CLIC5: variants seen among roughly 807,000 people sequenced by gnomAD.
The protein encoded by CLIC5 is chloride intracellular channel protein 5.
CLIC5 carries 20 observed loss-of-function variants against 24.7 expected under a neutral mutation model. The ratio of observed to expected loss-of-function variants is 0.81; its 90% CI spans 0.57 to 1.18. The LOEUF is 1.18. CLIC5 is among the 50% of genes most tolerant of loss of function. The pLI is 0.00. For synonymous variants in CLIC5, 159 were observed against 135.6 expected, an observed-to-expected ratio of 1.17 and a Z score of -1.20; for missense variants, 341 against 326.1, an observed-to-expected ratio of 1.05 and a Z score of -0.35.
chr6:45,954,844 G>A (rs1048258781), intron 2 of CLIC5, among the ~76,000 whole-genome samples: 5 of 152,236 alleles, frequency 3.3e-5, no homozygotes, highest in African/African-American at 1.2e-4. Context: ...GTTTTTAGAT[G>A]TCTGTGCCCA....
chr6:46,094,432 T>A, the CLIC5 span, among the ~76,000 whole-genome samples: 1 of 152,068 alleles, frequency 6.6e-6, no homozygotes, highest in Non-Finnish European at 1.5e-5. Flanking sequence ...AAAAACAAGT[T>A]AGTTACTTGC....
At chr6:46,086,063 A>G in the CLIC5 span, among the ~76,000 whole-genome samples, 1 of 152,180 alleles carries the variant, frequency 6.6e-6, no homozygotes, top group East Asian at 1.9e-4. Context: ...GTGGGATATA[A>G]CCTCCTGGTG....
intron 3 of CLIC5, among the ~76,000 whole-genome samples, chr6:45,948,295 G>A (rs772845525): frequency 1.5e-4 from 23 of 152,102 alleles, no homozygotes; most frequent in South Asian, 1.0e-3. Flanking sequence ...CCTCTCCCCC[G>A]ATTTTCCTGC....
At chr6:46,106,068 C>A in the CLIC5 span, among the ~76,000 whole-genome samples, 5 of 152,130 alleles carry the variant, frequency 3.3e-5, no homozygotes, top group Admixed American at 3.3e-4. Context: ...GTCTGCCTAG[C>A]CCTCATCTCA....
At chr6:45,997,885 T>TACA (rs1424508349) in intron 1 of CLIC5, among the ~76,000 whole-genome samples, 6 of 152,246 alleles carry the variant, frequency 3.9e-5, no homozygotes, top group Non-Finnish European at 7.3e-5. Context: ...CATGAGTTTA[T>TACA]ACAATCTGAA....
Position 45,903,075 on chromosome 6 carries a change from A to G in CLIC5, c.*13T>C. 4 of 1,613,958 alleles carry G rather than the reference A, an allele frequency of 2.5e-6. No individual in the cohort carries two copies. The highest frequency in any genetic ancestry group is 4.5e-5 in the East Asian group (2 of 44,870). ...AGTCCTTCTGCAGCGGGGATGGGGC[A>G]AAATGGCTGTGCTCAGGATCGGCTG... On this transcript the variant is annotated 3_prime_UTR_variant, in exon 6 of 6. Transcript: ENST00000339561.
intron 4 of CLIC5, among the ~76,000 whole-genome samples, chr6:45,915,478 T>C (rs1162764914): frequency 6.6e-6 from 1 of 152,102 alleles, no homozygotes; most frequent in African/African-American, 2.4e-5. Flanking sequence ...CTTTTTGATG[T>C]CACCCCCAGA....
intron 1 of CLIC5, among the ~76,000 whole-genome samples, chr6:46,078,097 C>A (rs963921503): frequency 6.6e-6 from 1 of 152,054 alleles, no homozygotes; most frequent in Non-Finnish European, 1.5e-5. Flanking sequence ...CTGTGGCTCA[C>A]GTCTGTAATC....
At chr6:45,889,080 G>T (rs188470814) in intron 6 of CLIC5, among the ~76,000 whole-genome samples, 1 of 152,144 alleles carries the variant, frequency 6.6e-6, no homozygotes, top group African/African-American at 2.4e-5. Flanking sequence ...TGAAAGATCC[G>T]TCAGTCTGTT....
chr6:45,914,135 A>G (rs1485905521), intron 5 of CLIC5, 93 bp downstream of exon 5: 3 of 1,035,316 alleles, frequency 2.9e-6, no homozygotes, highest in Non-Finnish European at 2.6e-6. Context: ...TTCTTGACCA[A>G]CAGGTGGTAC....
At chr6:46,050,018 T>C (rs1768060341) in intron 1 of CLIC5, among the ~76,000 whole-genome samples, 1 of 152,194 alleles carries the variant, frequency 6.6e-6, no homozygotes, top group Non-Finnish European at 1.5e-5. Flanking sequence ...CTGTGGGATA[T>C]ATGTTCAGAA....
chr6:46,094,553 C>A, the CLIC5 span, among the ~76,000 whole-genome samples: 3 of 152,192 alleles, frequency 2.0e-5, no homozygotes, highest in Admixed American at 6.5e-5. Context: ...ACCAGCAGGG[C>A]AGTCATTAAA....
At chr6:45,947,846 G>T (rs1764338083) in intron 3 of CLIC5, among the ~76,000 whole-genome samples, 1 of 152,112 alleles carries the variant, frequency 6.6e-6, no homozygotes, top group Non-Finnish European at 1.5e-5. Context: ...TTTAATTAAT[G>T]CACTTATTTA....
chr6:45,890,768 T>C (rs1343922651), intron 6 of CLIC5, among the ~76,000 whole-genome samples: 1 of 152,230 alleles, frequency 6.6e-6, no homozygotes, highest in Admixed American at 6.5e-5. Flanking sequence ...TGGTGTCATT[T>C]GTGACAACAT....
chr6:46,043,272 G>A (rs1040237813), intron 1 of CLIC5, among the ~76,000 whole-genome samples: 5 of 152,194 alleles, frequency 3.3e-5, no homozygotes, highest in African/African-American at 1.2e-4. Flanking sequence ...CTTTGCTATA[G>A]CCTTATAAAG....
chr6:45,996,543 C>T (rs1766147139), intron 1 of CLIC5, among the ~76,000 whole-genome samples: 6 of 151,932 alleles, frequency 3.9e-5, no homozygotes, highest in Admixed American at 3.9e-4. Context: ...GGGAAGGGAT[C>T]CAGTTTCAGC....
chr6:46,043,784 A>G (rs929685491), intron 1 of CLIC5, among the ~76,000 whole-genome samples: 1 of 152,086 alleles, frequency 6.6e-6, no homozygotes, highest in Admixed American at 6.5e-5. Context: ...CCATTCACCA[A>G]TGTGAAAAAT....
At chr6:46,078,533 T>C (rs1762834479) in intron 1 of CLIC5, among the ~76,000 whole-genome samples, 1 of 152,126 alleles carries the variant, frequency 6.6e-6, no homozygotes, top group African/African-American at 2.4e-5. Flanking sequence ...CTCCACCCAC[T>C]CCTCTGTTTC....
chr6:46,047,808 A>G (rs765062797), intron 1 of CLIC5, among the ~76,000 whole-genome samples: 2 of 150,250 alleles, frequency 1.3e-5, no homozygotes, highest in Non-Finnish European at 1.5e-5. Flanking sequence ...TCATTGGCAA[A>G]TGAAGAGGCA....
Sources: allele counts gnomAD v4.1 joint callset (sites outside exome capture counted in the v4.1 genomes callset), GRCh38; gene constraint gnomAD v4.1.1; transcripts MANE v1.5; gene names NCBI Gene and HGNC (gene_info 2026-07-23, HGNC 2026-07-21).